TARBP1: variants seen among roughly 807,000 people sequenced by gnomAD.
The protein encoded by TARBP1 is tRNA guanosine 2 -O-methyltransferase TARBP1.
In TARBP1, 144 loss-of-function variants were observed where a neutral mutation model predicts 178.6. The ratio of observed to expected loss-of-function variants is 0.81; its 90% CI spans 0.70 to 0.93. The LOEUF (loss-of-function observed/expected upper bound fraction) is 0.93, where lower values mean the gene tolerates loss of function less well. Ranked by LOEUF, TARBP1 falls within the 40% of genes least tolerant of loss-of-function variation. The probability of loss-of-function intolerance (pLI) is 0.00; values close to 1 mark genes in which losing one functional copy is unlikely to be tolerated. For synonymous variants in TARBP1, 787 were observed against 781.0 expected, an observed-to-expected ratio of 1.01 and a Z score of -0.13; for missense variants, 2,067 against 2,011.7, an observed-to-expected ratio of 1.03 and a Z score of -0.53.
Position 234,420,684 on chromosome 1 carries a change from AT to A in TARBP1, c.3555+17del. ...AATCATATGCTTCAAAGGTACAAATATAATAAAAATATGATACCTGGTCAAG... is the reference window on the plus strand; with the variant it reads ...AATCATATGCTTCAAAGGTACAAATAAATAAAAATATGATACCTGGTCAAG... On this transcript the variant is annotated intron_variant, in intron 21 of 29. Transcript: ENST00000040877. 6.5e-7 allele frequency: 1 copy of A among 1,528,390 alleles called. No homozygotes were observed. The highest frequency in any genetic ancestry group is 9.0e-7 in the Non-Finnish European group (1 of 1,112,292). The allele number at this position is 1,528,390 out of a possible 1,614,324, so 94.7% of individuals were successfully genotyped here.
rs1664300247 is a variant in TARBP1, at chr1:234,430,365, G to T, written c.2395-64C>A. 4 of 1,450,476 alleles carry T rather than the reference G, an allele frequency of 2.8e-6. No individual in the cohort carries two copies. In the South Asian group the frequency reaches 3.6e-5, roughly 13 times the overall value. 89.9% of individuals were successfully genotyped at this position (1,450,476 alleles called of 1,614,324 possible). On this transcript the variant is annotated intron_variant, in intron 14 of 29. Transcript: ENST00000040877. ...CAAGTCTTAATCAGTAATGACCTCA[G>T]TTGCCAGTCTATGGAAAGCTCAAGC...
rs757119784 is a variant in TARBP1, at chr1:234,420,668, C to G, written c.3555+34G>C. On this transcript the variant is annotated intron_variant, in intron 21 of 29. Coordinates refer to ENST00000040877, the MANE Select transcript of TARBP1 (RefSeq NM_005646.4). ...AATAGTTCAGTCATGAAATCATATGCTTCAAAGGTACAAATATAATAAAAA... is the reference window on the plus strand; with the variant it reads ...AATAGTTCAGTCATGAAATCATATGGTTCAAAGGTACAAATATAATAAAAA... 3 of 1,382,250 alleles carry G rather than the reference C, an allele frequency of 2.2e-6. No homozygotes were observed. In the South Asian group the frequency reaches 3.8e-5, roughly 17 times the overall value. The allele number at this position is 1,382,250 out of a possible 1,614,324, so 85.6% of individuals were successfully genotyped here.
chr1:234,447,913 G>T (rs1384261591), intron 11 of TARBP1, among the ~76,000 whole-genome samples: 1 of 152,036 alleles, frequency 6.6e-6, no homozygotes, highest in Non-Finnish European at 1.5e-5. Flanking sequence ...AGTGACTATT[G>T]TATATGGTTT....
Position 234,391,339 on chromosome 1 carries a change from A to G in TARBP1, c.*238T>C. 1 of 378,066 alleles carries G rather than the reference A, an allele frequency of 2.6e-6. No homozygotes were observed. The highest frequency in any genetic ancestry group is 4.7e-6 in the Non-Finnish European group (1 of 214,454). The allele number at this position is 378,066 out of a possible 1,614,324, so 23.4% of individuals were successfully genotyped here. On this transcript the variant is annotated 3_prime_UTR_variant, in exon 30 of 30. Coordinates refer to ENST00000040877, the MANE Select transcript of TARBP1 (RefSeq NM_005646.4). ...TCTCTCTTAAAAAATCCATTGTTTTATTTCCACAATTGCTTAAAATATTTT... is the reference window on the plus strand; with the variant it reads ...TCTCTCTTAAAAAATCCATTGTTTTGTTTCCACAATTGCTTAAAATATTTT...
intron 1 of TARBP1, among the ~76,000 whole-genome samples, chr1:234,474,993 G>A (rs1669446778): frequency 1.3e-5 from 2 of 152,336 alleles, no homozygotes; most frequent in Admixed American, 6.5e-5. Context: ...TGGCACAGGA[G>A]CAAGACATGG....
At chr1:234,427,526 G>A in intron 18 of TARBP1, 50 bp downstream of exon 18, 1 of 1,524,354 alleles carries the variant, frequency 6.6e-7, no homozygotes, top group Non-Finnish European at 8.9e-7. Context: ...CTATACCCAA[G>A]TAGGCACTTA....
At chr1:234,458,510 T>A (rs1353361280) in intron 8 of TARBP1, among the ~76,000 whole-genome samples, 1 of 152,158 alleles carries the variant, frequency 6.6e-6, no homozygotes, top group Non-Finnish European at 1.5e-5. Context: ...TTGTAAATAG[T>A]TTTTTTGGAA....
chr1:234,394,670 T>G (rs1244788112), intron 26 of TARBP1, among the ~76,000 whole-genome samples: 1 of 152,244 alleles, frequency 6.6e-6, no homozygotes, highest in Non-Finnish European at 1.5e-5. Context: ...AGATACAGCA[T>G]GTGCACATGC....
chr1:234,398,228 C>A, intron 26 of TARBP1, 154 bp downstream of exon 26: 4 of 494,262 alleles, frequency 8.1e-6, no homozygotes, highest in Admixed American at 4.0e-5. Context: ...AGTTATACCA[C>A]ACTTTTTCAC....
intron 24 of TARBP1, chr1:234,405,396 G>T (rs1445735673): frequency 1.3e-5 from 2 of 152,518 alleles, no homozygotes; most frequent in African/African-American, 4.8e-5. Flanking sequence ...CCACCGTGGG[G>T]GCTTCACAGA....
intron 4 of TARBP1, 107 bp downstream of exon 4, chr1:234,467,395 G>T: frequency 8.8e-7 from 1 of 1,136,936 alleles, no homozygotes; most frequent in South Asian, 2.1e-5. Context: ...AATATGATTT[G>T]TTGGATGCAA....
rs201485197 is a variant in TARBP1 at position 234,460,271 on chromosome 1, G to C, written c.1525C>G (p.Leu509Val). 3.5e-5 allele frequency: 56 copies of C among 1,613,072 alleles called. No individual in the cohort carries two copies. The highest frequency in any genetic ancestry group is 4.5e-5 in the Non-Finnish European group (53 of 1,179,832). Residue 509 changes from leucine to valine, a missense_variant, in exon 7 of 30, where the codon CTT becomes GTT. Transcript: ENST00000040877. The stretch of plus-strand genomic sequence containing the variant: ...TACAGAGTAAATTACCTGAGAGCAA[G>C]AAGCCCATCTATACCCAGGGCCTTA... ...RHKALGIDGL[L>V]ALRDVIHCTM...
chr1:234,470,729 C>A (rs1343621215), intron 3 of TARBP1, among the ~76,000 whole-genome samples: 1 of 151,332 alleles, frequency 6.6e-6, no homozygotes, highest in East Asian at 2.0e-4. Context: ...GATTCTCTTG[C>A]CTCAGCCTCT....
intron 23 of TARBP1, among the ~76,000 whole-genome samples, chr1:234,409,237 A>G (rs1242291321): frequency 6.6e-6 from 1 of 152,220 alleles, no homozygotes; most frequent in Non-Finnish European, 1.5e-5. Flanking sequence ...AAAATAAAAA[A>G]TAAATCTAAA....
Position 234,478,494 on chromosome 1 carries a change from C to CT in TARBP1, c.609_610insA (p.Gly204ArgfsTer116). ...CCCCACACGGCCCGCAGCGCCGCCC[C>CT]GCCACATTGGACCAGCACTGGCAGC... On this transcript the variant is annotated frameshift_variant, in exon 1 of 30. Transcript: ENST00000040877. LOFTEE classifies it high-confidence loss of function. The CT allele has an allele frequency of 7.2e-7, 1 of 1,391,734 alleles. No homozygotes were observed. The highest frequency in any genetic ancestry group is 9.3e-7 in the Non-Finnish European group (1 of 1,070,040). The allele number at this position is 1,391,734 out of a possible 1,614,324, so 86.2% of individuals were successfully genotyped here.
chr1:234,424,017 C>T (rs1423265259), intron 20 of TARBP1, among the ~76,000 whole-genome samples: 1 of 152,180 alleles, frequency 6.6e-6, no homozygotes, highest in African/African-American at 2.4e-5. Flanking sequence ...CATACTATTT[C>T]CTCTGGGACA....
chr1:234,393,566 C>A, intron 27 of TARBP1, 80 bp from the exon 28 acceptor site: 1 of 1,572,514 alleles, frequency 6.4e-7, no homozygotes, highest in Non-Finnish European at 8.6e-7. Flanking sequence ...TCCTTTGAAG[C>A]TCCCGTGGCA....
intron 22 of TARBP1, among the ~76,000 whole-genome samples, chr1:234,416,887 C>T (rs1203481453): frequency 6.6e-6 from 1 of 152,140 alleles, no homozygotes; most frequent in Non-Finnish European, 1.5e-5. Flanking sequence ...CCGAGATGGG[C>T]TTTACTATGC....
At chr1:234,413,475 AAAAAC>A (rs71576421) in intron 22 of TARBP1, among the ~76,000 whole-genome samples, 1 of 151,672 alleles carries the variant, frequency 6.6e-6, no homozygotes, top group Non-Finnish European at 1.5e-5. Context: ...ACTCCATTGC[AAAAAC>A]AAAACAAAAC....
Sources: allele counts gnomAD v4.1 joint callset (sites outside exome capture counted in the v4.1 genomes callset), GRCh38; gene constraint gnomAD v4.1.1; transcripts MANE v1.5; gene names NCBI Gene and HGNC (gene_info 2026-07-23, HGNC 2026-07-21).